DTWD2: variants seen among roughly 807,000 people sequenced by gnomAD.
DTWD2 encodes the protein tRNA-uridine aminocarboxypropyltransferase 2.
DTWD2 carries 39 observed loss-of-function variants against 31.8 expected under a neutral mutation model. The ratio of observed to expected loss-of-function variants is 1.22; its 90% CI spans 0.95 to 1.60. The LOEUF is 1.60. Ranked by LOEUF, DTWD2 falls within the 40% of genes most tolerant of loss-of-function variation. The probability of loss-of-function intolerance (pLI) is 0.00; values close to 1 mark genes in which losing one functional copy is unlikely to be tolerated. For synonymous variants in DTWD2, 180 were observed against 142.8 expected (o/e 1.26, Z -1.86); for missense variants, 515 against 381.5 (o/e 1.35, Z -2.92).
At chr5:118,862,442 G>A (rs1204127165) in intron 4 of DTWD2, among the ~76,000 whole-genome samples, 3 of 152,028 alleles carry the variant, frequency 2.0e-5, no homozygotes, top group Non-Finnish European at 2.9e-5. Flanking sequence ...AAATAGGGCC[G>A]ATGTAAATGA....
At chr5:118,933,085 T>C (rs193286383) in intron 3 of DTWD2, among the ~76,000 whole-genome samples, 9 of 152,244 alleles carry the variant, frequency 5.9e-5, no homozygotes, top group Admixed American at 5.9e-4. Context: ...AACTAATTCC[T>C]TGAAAAACAA....
At chr5:118,947,801 C>A (rs1033059094) in intron 1 of DTWD2, among the ~76,000 whole-genome samples, 1 of 152,102 alleles carries the variant, frequency 6.6e-6, no homozygotes, top group African/African-American at 2.4e-5. Flanking sequence ...CATACTCAAC[C>A]AATTTTAACC....
rs138121995 is a variant in DTWD2, at chr5:118,987,527, T to C, written c.218+767A>G. Among the ~76,000 whole-genome samples, 56 of 152,348 alleles carry C rather than the reference T, an allele frequency of 3.7e-4. No individual in the cohort carries two copies. In the East Asian group the frequency reaches 6.9e-3, roughly 19 times the overall value. ...ATCTCAGAGATAGTTCATGACACCA[T>C]TGAGCTATTTTCTACAGTAGCAACC... On this transcript the variant is annotated intron_variant, in intron 1 of 5. Coordinates refer to ENST00000510708, the MANE Select transcript of DTWD2 (RefSeq NM_173666.4).
chr5:118,968,810 G>C (rs1034836893), intron 1 of DTWD2, among the ~76,000 whole-genome samples: 4 of 152,326 alleles, frequency 2.6e-5, no homozygotes, highest in Non-Finnish European at 5.9e-5. Flanking sequence ...GCTGAATCCA[G>C]GGGGCCAAGC....
chr5:118,897,332 T>A (rs73239013), intron 4 of DTWD2, among the ~76,000 whole-genome samples: 2 of 152,156 alleles, frequency 1.3e-5, no homozygotes, highest in African/African-American at 4.8e-5. Flanking sequence ...CAGAAGCTCA[T>A]TAGAGACAGA....
rs149020200 is a variant in DTWD2 at position 118,939,662 on chromosome 5, C to T, written c.310-372G>A. ...CACTATGCCAGCTTGAAGATAATTGCCTAGATCTTTATGCCCAAAAAAGCA... is the reference window on the plus strand; with the variant it reads ...CACTATGCCAGCTTGAAGATAATTGTCTAGATCTTTATGCCCAAAAAAGCA... On this transcript the variant is annotated intron_variant, in intron 2 of 5. Coordinates refer to ENST00000510708, the MANE Select transcript of DTWD2 (RefSeq NM_173666.4). 4.3e-3 allele frequency among the ~76,000 whole-genome samples: 652 copies of T among 152,240 alleles called. 6 individuals are homozygous for T. Among genetic ancestry groups the T allele is most frequent in the African/African-American group, 0.015 (603 of 41,550 alleles).
At chr5:118,843,314 G>A (rs1342588741) in intron 5 of DTWD2, among the ~76,000 whole-genome samples, 1 of 151,616 alleles carries the variant, frequency 6.6e-6, no homozygotes, top group Non-Finnish European at 1.5e-5. Flanking sequence ...GGAAAGGGAA[G>A]GGAAAAGGAA....
chr5:118,980,880 G>A (rs183977210), intron 1 of DTWD2, among the ~76,000 whole-genome samples: 1 of 152,268 alleles, frequency 6.6e-6, no homozygotes, highest in African/African-American at 2.4e-5. Flanking sequence ...GTAGGAACTA[G>A]AACAGATTAT....
At chr5:118,873,652 C>T (rs557135144) in intron 4 of DTWD2, among the ~76,000 whole-genome samples, 48 of 152,340 alleles carry the variant, frequency 3.2e-4, no homozygotes, top group African/African-American at 9.9e-4. Context: ...TCCCCACTGA[C>T]GGCTCCCTTG....
At chr5:118,916,570 C>A (rs184455019) in intron 4 of DTWD2, among the ~76,000 whole-genome samples, 7 of 150,324 alleles carry the variant, frequency 4.7e-5, no homozygotes, top group Admixed American at 2.7e-4. Flanking sequence ...GAGGTTGAGG[C>A]AGGAGAATCA....
chr5:118,894,624 A>G (rs971084363), intron 4 of DTWD2, among the ~76,000 whole-genome samples: 2 of 152,238 alleles, frequency 1.3e-5, no homozygotes, highest in Non-Finnish European at 2.9e-5. Context: ...AAGTCTCAAC[A>G]AAATACTAGC....
chr5:118,930,129 T>C (rs1332399952), intron 3 of DTWD2, among the ~76,000 whole-genome samples: 1 of 152,196 alleles, frequency 6.6e-6, no homozygotes, highest in Non-Finnish European at 1.5e-5. Flanking sequence ...GTATGCCTTT[T>C]CTCCCTTTAA....
At chr5:118,873,503 G>A (rs775071364) in intron 4 of DTWD2, among the ~76,000 whole-genome samples, 7 of 152,292 alleles carry the variant, frequency 4.6e-5, no homozygotes, top group Admixed American at 6.5e-5. Context: ...GCCTGCATGC[G>A]GCTTCTTCAT....
chr5:118,856,714 C>T (rs1222303172), intron 4 of DTWD2, among the ~76,000 whole-genome samples: 1 of 147,022 alleles, frequency 6.8e-6, no homozygotes, highest in Non-Finnish European at 1.5e-5. Flanking sequence ...AATTAGTCAT[C>T]AGTTTATAAA....
At chr5:118,871,319 T>C (rs1752500122) in intron 4 of DTWD2, among the ~76,000 whole-genome samples, 2 of 152,338 alleles carry the variant, frequency 1.3e-5, no homozygotes, top group Non-Finnish European at 1.5e-5. Context: ...CTCCTGTTAT[T>C]ATTTTGACCT....
chr5:118,908,265 G>T (rs1344781600), intron 4 of DTWD2, among the ~76,000 whole-genome samples: 1 of 152,108 alleles, frequency 6.6e-6, no homozygotes, highest in Non-Finnish European at 1.5e-5. Context: ...AGGATCCTCA[G>T]GACCAAGGAG....
chr5:118,933,654 G>A (rs1429529340), intron 3 of DTWD2, among the ~76,000 whole-genome samples: 2 of 152,064 alleles, frequency 1.3e-5, no homozygotes, highest in Non-Finnish European at 2.9e-5. Context: ...AATGTCCTCA[G>A]TTTAGTAAAG....
At chr5:118,988,166 G>T (rs1250673837) in intron 1 of DTWD2, 128 bp downstream of exon 1, 2 of 1,174,282 alleles carry the variant, frequency 1.7e-6, no homozygotes, top group Non-Finnish European at 2.4e-6. Flanking sequence ...GATTTCCAAC[G>T]TGCACCCGCC....
chr5:118,891,083 A>G (rs1057366839), intron 4 of DTWD2, among the ~76,000 whole-genome samples: 7 of 152,234 alleles, frequency 4.6e-5, no homozygotes, highest in African/African-American at 1.7e-4. Context: ...AGTAATTTCC[A>G]GATGCAATGG....
Sources: gnomAD v4.1 joint callset for allele counts (sites outside exome capture counted in the v4.1 genomes callset) on GRCh38, gnomAD v4.1.1 for gene constraint, MANE v1.5 for transcripts, NCBI Gene and HGNC (gene_info 2026-07-23, HGNC 2026-07-21) for gene names.